The following KYAT1 variants were observed in gnomAD, a reference collection of about 807,000 sequenced individuals.
KYAT1 encodes kynurenine--oxoglutarate transaminase 1.
In KYAT1, 47 loss-of-function variants were observed where a neutral mutation model predicts 52.4. The ratio of observed to expected loss-of-function variants is 0.90; its 90% CI spans 0.71 to 1.14. KYAT1 has a LOEUF of 1.14. Ranked by LOEUF, KYAT1 falls within the 50% of genes most tolerant of loss-of-function variation. The probability of loss-of-function intolerance (pLI) is 0.00; values close to 1 mark genes in which losing one functional copy is unlikely to be tolerated. For missense variants in KYAT1, 480 were observed against 557.9 expected, an observed-to-expected ratio of 0.86 and a Z score of 1.41; for synonymous variants, 212 against 209.6, an observed-to-expected ratio of 1.01 and a Z score of -0.10.
At chr9:128,881,732 T>C (rs1369400316) in intron 1 of KYAT1, among the ~76,000 whole-genome samples, 165 bp downstream of exon 1, 1 of 152,310 alleles carries the variant, frequency 6.6e-6, no homozygotes, top group Admixed American at 6.5e-5. Flanking sequence ...GCACGCGCAG[T>C]TGATTCCCGC....
intron 1 of KYAT1, among the ~76,000 whole-genome samples, chr9:128,877,114 T>G (rs912432243): frequency 2.6e-4 from 39 of 152,216 alleles, no homozygotes; most frequent in Admixed American, 3.9e-4. Flanking sequence ...GCCAGGCTGG[T>G]CTTGAACTTC....
At chr9:128,851,112 G>A (rs1029868396) in intron 1 of KYAT1, among the ~76,000 whole-genome samples, 7 of 152,182 alleles carry the variant, frequency 4.6e-5, no homozygotes, top group Non-Finnish European at 7.3e-5. Context: ...TTGATATGCT[G>A]CATGCCGGTC....
chr9:128,865,344 TATATATATATATATA>T lies in KYAT1; in HGVS notation c.-7+16538_-7+16552del, dbSNP rs1836172431. On this transcript the variant is annotated intron_variant, in intron 1 of 12. Transcript: ENST00000302586. Reference sequence around the variant, plus strand: ...ATATATATATATATATATATATATATATATATATATATATATTTTTTTTTTTTTTTTTTTTGAGAC... The same window carrying T: ...ATATATATATATATATATATATATATTTTTTTTTTTTTTTTTTTTTGAGAC... 1.3e-3 allele frequency among the ~76,000 whole-genome samples: 9 copies of T among 7,004 alleles called. 1 individual carries two copies. The highest frequency in any genetic ancestry group is 4.5e-3 in the East Asian group (1 of 224). 4.6% of individuals were successfully genotyped at this position (7,004 alleles called of 152,430 possible). A position where few individuals can be genotyped will look rare whatever the true frequency, so the allele number is the denominator to read the frequency against.
chr9:128,879,482 C>T (rs1173844150), intron 1 of KYAT1, among the ~76,000 whole-genome samples: 1 of 152,180 alleles, frequency 6.6e-6, no homozygotes, highest in African/African-American at 2.4e-5. Context: ...CTCTTTGGAG[C>T]TTGGAGAGGT....
intron 1 of KYAT1, among the ~76,000 whole-genome samples, chr9:128,871,777 A>G (rs1036917804): frequency 1.3e-5 from 2 of 152,184 alleles, no homozygotes; most frequent in African/African-American, 4.8e-5. Context: ...ATACATATAC[A>G]CATACACATA....
chr9:128,878,237 C>T (rs575606961), intron 1 of KYAT1, among the ~76,000 whole-genome samples: 16 of 151,954 alleles, frequency 1.1e-4, no homozygotes, highest in African/African-American at 3.4e-4. Flanking sequence ...CAGTTTCAAG[C>T]GATTCTTGTA....
At position 128,838,298 on chromosome 9, in the gene KYAT1, G is replaced by A. The variant is rs755466968; in HGVS notation, c.271C>T (p.Leu91Phe). 3 of 1,614,172 alleles carry A rather than the reference G, an allele frequency of 1.9e-6. No homozygotes were observed. The South Asian group carries it at 3.3e-5, about 18-fold the overall frequency. Residue 91 changes from leucine to phenylalanine, a missense_variant, in exon 4 of 13, where the codon CTC (leucine) becomes TTC (phenylalanine). By Grantham distance (22) the Leu-to-Phe change is conservative. Coordinates refer to ENST00000302586, the MANE Select transcript of KYAT1 (RefSeq NM_004059.5). The stretch of plus-strand genomic sequence containing the variant: ...CCAACAGTCACCAGCACATTCCTGA[G>A]CGGGTCTATCTCCTGACCCAGCAGC... ...GELLGQEIDP[L>F]RNVLVTVGGY...
intron 1 of KYAT1, among the ~76,000 whole-genome samples, chr9:128,872,536 G>A (rs530938788): frequency 2.0e-5 from 3 of 152,254 alleles, no homozygotes; most frequent in Admixed American, 6.5e-5. Flanking sequence ...GGGAGGCCGA[G>A]GTGGGCGGAT....
chr9:128,838,480 G>T, intron 3 of KYAT1, 113 bp from the exon 4 acceptor site: 1 of 1,247,320 alleles, frequency 8.0e-7, no homozygotes, highest in Non-Finnish European at 1.1e-6. Flanking sequence ...GCAAAGTCAG[G>T]TACTGGTAGC....
intron 2 of KYAT1, 42 bp from the exon 3 acceptor site, chr9:128,842,843 T>A: frequency 1.3e-6 from 2 of 1,591,080 alleles, no homozygotes; most frequent in South Asian, 1.1e-5. Context: ...CAGCCCTCCA[T>A]GGTGACCTGG....
intron 1 of KYAT1, among the ~76,000 whole-genome samples, chr9:128,878,426 C>T (rs1169239264): frequency 6.6e-6 from 1 of 152,216 alleles, no homozygotes; most frequent in East Asian, 1.9e-4. Context: ...TGAACCACCA[C>T]ACCCAGTCAA....
rs1346508924 is a variant in KYAT1, at chr9:128,845,372, C to T, written c.34G>A (p.Gly12Arg). 5.0e-6 allele frequency: 8 copies of T among 1,613,888 alleles called. No homozygotes were observed. The highest frequency in any genetic ancestry group is 1.7e-5 in the Admixed American group (1 of 60,006). Residue 12 changes from glycine (G) to arginine (R), a missense_variant, in exon 2 of 13, where the codon GGG becomes AGG. Physicochemically the swap from Gly to Arg is moderately radical, Grantham distance 125 (BLOSUM62 -2). Coordinates refer to ENST00000302586, the MANE Select transcript of KYAT1 (RefSeq NM_004059.5). ...AKQLQARRLD[G>R]IDYNPWVEFV... is the part of the protein sequence containing the mutation. ...GCTCACCAGGGGTTGTAGTCGATCC[C>T]GTCTAGCCTTCGGGCCTGCAGCTGT...
intron 1 of KYAT1, among the ~76,000 whole-genome samples, chr9:128,848,111 G>A (rs1833393622): frequency 6.6e-6 from 1 of 152,072 alleles, no homozygotes; most frequent in South Asian, 2.1e-4. Context: ...CTTGAGCCCA[G>A]GAGTTTGAGA....
chr9:128,844,651 C>T (rs1832785713), intron 2 of KYAT1, among the ~76,000 whole-genome samples: 3 of 151,098 alleles, frequency 2.0e-5, no homozygotes, highest in South Asian at 2.1e-4. Flanking sequence ...GATCATGCCA[C>T]TGCACTCCAG....
chr9:128,867,655 T>C (rs758105104), intron 1 of KYAT1, among the ~76,000 whole-genome samples: 1 of 152,212 alleles, frequency 6.6e-6, no homozygotes. Context: ...GGTTTAACCA[T>C]AGAATGAACC....
intron 1 of KYAT1, among the ~76,000 whole-genome samples, chr9:128,849,125 G>C (rs905334571): frequency 2.7e-5 from 4 of 149,504 alleles, no homozygotes; most frequent in African/African-American, 9.9e-5. Context: ...AAAAAAAGGT[G>C]GGGAGGCCAG....
chr9:128,854,696 T>C (rs1180536533), intron 1 of KYAT1, among the ~76,000 whole-genome samples: 1 of 152,216 alleles, frequency 6.6e-6, no homozygotes, highest in African/African-American at 2.4e-5. Flanking sequence ...TAATTATACT[T>C]ACTGGGCCTA....
intron 3 of KYAT1, among the ~76,000 whole-genome samples, chr9:128,839,234 G>A (rs1230101420): frequency 6.6e-6 from 1 of 152,068 alleles, no homozygotes; most frequent in African/African-American, 2.4e-5. Flanking sequence ...AAAGTGCTGG[G>A]ATTACAGATG....
At chr9:128,865,340 TATATATATATATATATA>T (rs1836158297) in intron 1 of KYAT1, among the ~76,000 whole-genome samples, 4 of 2,218 alleles carry the variant, frequency 1.8e-3, no homozygotes, top group Non-Finnish European at 2.7e-3. Context: ...TATATATATA[TATATATATATATATATA>T]TATTTTTTTT....
Sources: gnomAD v4.1 joint callset for allele counts (sites outside exome capture counted in the v4.1 genomes callset) on GRCh38, gnomAD v4.1.1 for gene constraint, MANE v1.5 for transcripts, NCBI Gene and HGNC (gene_info 2026-07-23, HGNC 2026-07-21) for gene names.